Variants in MAF observed in about 807,000 individuals in gnomAD.
The protein encoded by MAF is transcription factor Maf.
A neutral mutation model predicts 22.0 loss-of-function variants in MAF; 10 were observed. The ratio of observed to expected loss-of-function variants is 0.45; its 90% CI spans 0.28 to 0.77. The LOEUF is 0.77. Among genes scored for constraint, MAF ranks in the 30% least tolerant of loss-of-function variants. The probability of loss-of-function intolerance (pLI) is 0.12; values close to 1 mark genes in which losing one functional copy is unlikely to be tolerated. For synonymous variants in MAF, 337 were observed against 255.8 expected, an observed-to-expected ratio of 1.32 and a Z score of -3.03; for missense variants, 544 against 548.4, an observed-to-expected ratio of 0.99 and a Z score of 0.08.
the MAF span, among the ~76,000 whole-genome samples, chr16:79,263,468 C>A: frequency 6.6e-6 from 1 of 152,160 alleles, no homozygotes; most frequent in Non-Finnish European, 1.5e-5. Context: ...GGGCCTGAAC[C>A]ATTTGTCCTT....
At chr16:79,240,973 C>T in the MAF span, among the ~76,000 whole-genome samples, 5 of 152,036 alleles carry the variant, frequency 3.3e-5, no homozygotes, top group Admixed American at 6.6e-5. Flanking sequence ...GAAAAACTAA[C>T]AAACAGAAAG....
At chr16:79,214,697 G>A in the MAF span, among the ~76,000 whole-genome samples, 2 of 130,660 alleles carry the variant, frequency 1.5e-5, no homozygotes, top group Admixed American at 1.6e-4. Context: ...GAGCCACTGT[G>A]CCTGGCTTTT....
At chr16:79,258,042 G>A in the MAF span, among the ~76,000 whole-genome samples, 1 of 152,098 alleles carries the variant, frequency 6.6e-6, no homozygotes, top group African/African-American at 2.4e-5. Context: ...AGTACAAATG[G>A]CCAGATAACA....
the MAF span, among the ~76,000 whole-genome samples, chr16:79,299,435 A>C: frequency 6.6e-6 from 1 of 152,204 alleles, no homozygotes; most frequent in East Asian, 1.9e-4. Flanking sequence ...AGTCTCTATT[A>C]AGATAACAAA....
At chr16:79,236,538 A>C in the MAF span, among the ~76,000 whole-genome samples, 1 of 152,056 alleles carries the variant, frequency 6.6e-6, no homozygotes, top group African/African-American at 2.4e-5. Flanking sequence ...CATCCATGAG[A>C]TCTTTCAAAA....
chr16:79,396,025 G>C, the MAF span, among the ~76,000 whole-genome samples: 3 of 152,108 alleles, frequency 2.0e-5, no homozygotes, highest in Non-Finnish European at 4.4e-5. Context: ...TCAATGTCTT[G>C]GCATCTTGGA....
the MAF span, among the ~76,000 whole-genome samples, chr16:79,319,165 G>A: frequency 2.6e-5 from 4 of 152,126 alleles, no homozygotes; most frequent in Non-Finnish European, 5.9e-5. Context: ...TGTGCCAGGT[G>A]TCAATGCCTA....
chr16:79,540,483 C>A, the MAF span, among the ~76,000 whole-genome samples: 4 of 152,134 alleles, frequency 2.6e-5, no homozygotes, highest in African/African-American at 9.7e-5. Flanking sequence ...GACTCACTGG[C>A]CAGCTCAGAC....
the MAF span, among the ~76,000 whole-genome samples, chr16:79,210,822 A>G: frequency 6.6e-6 from 1 of 152,110 alleles, no homozygotes; most frequent in South Asian, 2.1e-4. Flanking sequence ...GTCCCTAGCC[A>G]CAGCCGCAAC....
the MAF span, among the ~76,000 whole-genome samples, chr16:79,382,977 A>T: frequency 6.6e-6 from 1 of 152,212 alleles, no homozygotes. Context: ...TCACTCATTC[A>T]TCCATTCAAT....
the MAF span, among the ~76,000 whole-genome samples, chr16:79,339,381 G>C: frequency 2.6e-5 from 4 of 152,160 alleles, no homozygotes; most frequent in African/African-American, 9.7e-5. Context: ...TTTAAAAATT[G>C]AGTGTGCCTT....
the MAF span, among the ~76,000 whole-genome samples, chr16:79,465,574 C>A: frequency 6.6e-6 from 1 of 152,060 alleles, no homozygotes; most frequent in African/African-American, 2.4e-5. Context: ...CACTCCAGCC[C>A]GGGTGACAGA....
the MAF span, among the ~76,000 whole-genome samples, chr16:79,232,433 G>T: frequency 1.3e-5 from 2 of 152,006 alleles, no homozygotes; most frequent in African/African-American, 4.8e-5. Context: ...GAATTTGGAG[G>T]TACGGTAGTT....
In MAF at chr16:79,599,320, G is replaced by A. The variant is rs2143808286; in HGVS notation, c.583C>T (p.Pro195Ser). The part of the protein sequence containing the change: ...HHHAAGHHHH[P>S]TAGAPGAAGS... Reference sequence around the variant, plus strand: ...GCGGCGCCGGGCGCGCCGGCCGTCGGGTGGTGGTGGTGGCCGGCGGCGTGG... The same window carrying A: ...GCGGCGCCGGGCGCGCCGGCCGTCGAGTGGTGGTGGTGGCCGGCGGCGTGG... The change falls in exon 1 of 2, where the codon CCG (proline) becomes TCG (serine). Residue 195 changes from proline (P) to serine (S), a missense_variant. Pro to Ser is a moderately conservative substitution (Grantham distance 74). Transcript: ENST00000326043. 1 of 984,306 alleles carries A rather than the reference G, an allele frequency of 1.0e-6. No homozygotes were observed. Among genetic ancestry groups the A allele is most frequent in the South Asian group, 4.5e-5 (1 of 22,030 alleles). 61.0% of individuals were successfully genotyped at this position (984,306 alleles called of 1,614,324 possible). A position where few individuals can be genotyped will look rare whatever the true frequency, so the allele number is the denominator to read the frequency against.
the MAF span, among the ~76,000 whole-genome samples, chr16:79,337,483 G>A: frequency 1.6e-4 from 24 of 152,206 alleles, no homozygotes; most frequent in African/African-American, 4.8e-4. Flanking sequence ...CAGAAGAATC[G>A]CTTGAACCTG....
chr16:79,535,283 G>T, the MAF span, among the ~76,000 whole-genome samples: 1 of 151,682 alleles, frequency 6.6e-6, no homozygotes, highest in African/African-American at 2.4e-5. Context: ...ATGGCGCCTC[G>T]GTTTTCTGAT....
the MAF span, among the ~76,000 whole-genome samples, chr16:79,433,893 G>A: frequency 1.3e-5 from 2 of 152,176 alleles, no homozygotes; most frequent in Non-Finnish European, 2.9e-5. Context: ...CTCCTACATA[G>A]CAATGATGGC....
intron 1 of MAF, chr16:79,596,708 C>G (rs1375991924): frequency 9.6e-7 from 1 of 1,039,772 alleles, no homozygotes; most frequent in Non-Finnish European, 1.2e-6. Context: ...GATGTCAGTC[C>G]CTGAAAATAA....
At chr16:79,534,424 G>A in the MAF span, among the ~76,000 whole-genome samples, 264 of 152,236 alleles carry the variant, frequency 1.7e-3, 1 homozygote, top group Middle Eastern at 6.8e-3. Flanking sequence ...TCAGAAAGCT[G>A]TCCTGGAATG....
Sources: gnomAD v4.1 joint callset for allele counts (sites outside exome capture counted in the v4.1 genomes callset) on GRCh38, gnomAD v4.1.1 for gene constraint, MANE v1.5 for transcripts, NCBI Gene and HGNC (gene_info 2026-07-23, HGNC 2026-07-21) for gene names.